MEG3: variants seen among roughly 807,000 people sequenced by gnomAD.
MEG3 encodes maternally expressed 3, also known as Very putative protein from MEG3 locus.
chr14:100,834,650 C>T (rs1566722387), exon 1 of MEG3: 8 of 455,896 alleles, frequency 1.8e-5, no homozygotes, highest in East Asian at 7.0e-5. Context: ...CTGGCCATCC[C>T]GGGGTGCCCT....
At chr14:100,852,341 G>A (rs768559941), upstream of MEG3, 5 of 532,674 alleles carry the variant, frequency 9.4e-6, no homozygotes, top group Non-Finnish European at 1.9e-5. Flanking sequence ...CTCCGGCCGA[G>A]TGGATGGCAA....
At chr14:100,832,929 A>C (rs866713943), downstream of MEG3, 4 of 152,258 alleles carry the variant, frequency 2.6e-5, no homozygotes, top group African/African-American at 9.6e-5. Flanking sequence ...ACTGGTGATC[A>C]GTTCCCAACT....
chr14:100,850,193 G>A (rs899227988), intron 3 of MEG3: 1 of 152,174 alleles, frequency 6.6e-6, no homozygotes, highest in South Asian at 2.1e-4. Flanking sequence ...ATGAGAGAGT[G>A]AATGGTGCTT....
At chr14:100,843,344 C>T (rs2295386) in intron 2 of MEG3, among the ~76,000 whole-genome samples, 4,231 of 152,142 alleles carry the variant, frequency 0.028, 125 homozygotes, top group East Asian at 0.088. Context: ...AGTCTCGTTG[C>T]CACCTTAGGA....
At chr14:100,839,308 A>C (rs1313361775) in intron 2 of MEG3, among the ~76,000 whole-genome samples, 1 of 152,136 alleles carries the variant, frequency 6.6e-6, no homozygotes, top group Non-Finnish European at 1.5e-5. Flanking sequence ...GGAATTAATG[A>C]GTTGTGAAGT....
upstream of MEG3, chr14:100,853,548 A>G (rs1431447643): frequency 1.3e-5 from 2 of 151,900 alleles, no homozygotes; most frequent in Non-Finnish European, 2.9e-5. Context: ...CTTCTTTAAA[A>G]AAACCTAATT....
In MEG3 at chr14:100,845,630, G is replaced by A. The variant is rs1390063002; in HGVS notation, n.3121+97G>A. The A allele has an allele frequency of 1.0e-5, 4 of 400,086 alleles. No homozygotes were observed. Among genetic ancestry groups the A allele is most frequent in the South Asian group, 1.8e-5 (1 of 55,126 alleles). The allele number at this position is 400,086 out of a possible 1,614,324, so 24.8% of individuals were successfully genotyped here. On this transcript the variant is annotated intron_variant and non_coding_transcript_variant, in intron 3 of 3. Transcript: ENST00000398461. The surrounding 1 kb of genome is among the most constrained non-coding windows in gnomAD (Gnocchi z 5.2). ...ACCGCCAGGCGGACCTCGTGGAGGG[G>A]CTGGCGGGCACTGGCCGGGGGTCTG...
At chr14:100,841,152 G>C (rs1403948674) in intron 2 of MEG3, among the ~76,000 whole-genome samples, 1 of 152,194 alleles carries the variant, frequency 6.6e-6, no homozygotes, top group African/African-American at 2.4e-5. Flanking sequence ...CGTAAGGGTA[G>C]GGCCACTCCA....
chr14:100,827,013 T>C (rs938645719), intron 1 of MEG3, among the ~76,000 whole-genome samples: 6 of 148,682 alleles, frequency 4.0e-5, no homozygotes, highest in Non-Finnish European at 9.0e-5. Flanking sequence ...TCCTTGGGTC[T>C]GGGAAGAGGG....
intron 2 of MEG3, among the ~76,000 whole-genome samples, chr14:100,842,861 A>G (rs2037801177): frequency 6.6e-6 from 1 of 152,228 alleles, no homozygotes; most frequent in Non-Finnish European, 1.5e-5. Flanking sequence ...TCATGAGCTC[A>G]CTGCACGCAC....
At chr14:100,858,889 C>T (rs906120354) in exon 1 of MEG3, 3 of 152,710 alleles carry the variant, frequency 2.0e-5, no homozygotes, top group Non-Finnish European at 2.9e-5. Flanking sequence ...GTTTAGGTGT[C>T]GATTCCTGGG....
downstream of MEG3, chr14:100,832,592 A>G (rs2037428618): frequency 6.5e-6 from 1 of 152,696 alleles, no homozygotes; most frequent in Admixed American, 6.5e-5. Context: ...TCGTCGCATA[A>G]GGATCCTTCT....
At chr14:100,843,642 C>G (rs888729404) in intron 2 of MEG3, among the ~76,000 whole-genome samples, 7 of 152,048 alleles carry the variant, frequency 4.6e-5, no homozygotes, top group African/African-American at 1.7e-4. Flanking sequence ...TCCCCAGTGC[C>G]CTGGCCGGGT....
intron 1 of MEG3, among the ~76,000 whole-genome samples, chr14:100,828,121 C>T (rs1036860067): frequency 1.3e-5 from 2 of 152,018 alleles, no homozygotes; most frequent in Non-Finnish European, 2.9e-5. Context: ...GCTGTGGAGC[C>T]CTTCCTAGCC....
At chr14:100,842,617 C>T (rs563574093) in intron 2 of MEG3, among the ~76,000 whole-genome samples, 5 of 152,242 alleles carry the variant, frequency 3.3e-5, no homozygotes, top group African/African-American at 1.2e-4. Flanking sequence ...ATTTGTGTAA[C>T]GACGGGCTCT....
intron 1 of MEG3, among the ~76,000 whole-genome samples, chr14:100,828,481 C>T (rs1292236093): frequency 9.7e-6 from 1 of 102,672 alleles, no homozygotes; most frequent in Non-Finnish European, 2.1e-5. Flanking sequence ...CCTCATCTCT[C>T]TTTTCCCCTC....
chr14:100,828,991 C>T (rs2037326675), intron 2 of MEG3: 1 of 152,128 alleles, frequency 6.6e-6, no homozygotes, highest in African/African-American at 2.4e-5. Flanking sequence ...ATGATCTAGG[C>T]TTGGGCTTTT....
chr14:100,860,790 C>G, exon 2 of MEG3: 1 of 444,114 alleles, frequency 2.3e-6, no homozygotes, highest in South Asian at 1.6e-5. Flanking sequence ...GACCCGCCCT[C>G]TGACTGATGG....
chr14:100,827,039 A>G (rs948587743), intron 1 of MEG3, among the ~76,000 whole-genome samples: 1 of 151,604 alleles, frequency 6.6e-6, no homozygotes, highest in African/African-American at 2.4e-5. Context: ...AGAAATGCAG[A>G]AAAGGGGGTG....
Sources: gnomAD v4.1 joint callset for allele counts (sites outside exome capture counted in the v4.1 genomes callset) on GRCh38, gnomAD v4.1.1 for gene constraint, Gnocchi (gnomAD v3.1) non-coding constraint, MANE v1.5 for transcripts, NCBI Gene and HGNC (gene_info 2026-07-23, HGNC 2026-07-21) for gene names.